Variants in MGAT5 observed in about 807,000 individuals in gnomAD.
MGAT5 encodes alpha-1,6-mannosylglycoprotein 6-beta-N-acetylglucosaminyltransferase A.
In MGAT5, 30 loss-of-function variants were observed where a neutral mutation model predicts 94.3. The observed-to-expected ratio is 0.32, with a 90% CI of 0.24 to 0.43. The LOEUF (loss-of-function observed/expected upper bound fraction) is 0.43. MGAT5 is among the 20% of genes least tolerant of loss of function. MGAT5 has a pLI of 1.00. For missense variants in MGAT5, 691 were observed against 905.5 expected (o/e 0.76, Z 3.04); for synonymous variants, 310 against 322.9 (o/e 0.96, Z 0.43).
intron 1 of MGAT5, among the ~76,000 whole-genome samples, chr2:134,148,492 T>C (rs1351889231): frequency 6.6e-6 from 1 of 152,224 alleles, no homozygotes; most frequent in Non-Finnish European, 1.5e-5. Flanking sequence ...TCTGATTCTT[T>C]AAATAAGAAA....
At chr2:134,193,131 T>TATTTTTTA (rs201290194) in intron 1 of MGAT5, among the ~76,000 whole-genome samples, 1 of 150,492 alleles carries the variant, frequency 6.6e-6, no homozygotes, top group Admixed American at 6.6e-5. Flanking sequence ...TTTTATTTTT[T>TATTTTTTA]TTTTTTTTTG....
intron 13 of MGAT5, among the ~76,000 whole-genome samples, chr2:134,423,450 T>A (rs1388324177): frequency 1.3e-5 from 2 of 152,280 alleles, no homozygotes; most frequent in South Asian, 2.1e-4. Context: ...CCTGGGGTTG[T>A]GGAGGGCGGG....
At chr2:134,276,863 C>T (rs1051846615) in intron 2 of MGAT5, among the ~76,000 whole-genome samples, 22 of 152,084 alleles carry the variant, frequency 1.4e-4, no homozygotes, top group Admixed American at 1.4e-3. Context: ...TTGAGACCCA[C>T]GTTAGGGTGA....
intron 1 of MGAT5, among the ~76,000 whole-genome samples, chr2:134,166,926 T>G (rs1170740835): frequency 6.6e-6 from 1 of 152,208 alleles, no homozygotes. Flanking sequence ...TTGTCTCTTG[T>G]CAATTGAAAA....
At chr2:134,439,290 A>G (rs563345645) in intron 14 of MGAT5, among the ~76,000 whole-genome samples, 9 of 152,336 alleles carry the variant, frequency 5.9e-5, no homozygotes, top group African/African-American at 1.7e-4. Context: ...ATTTTGCCCA[A>G]AGGCTCACAT....
intron 6 of MGAT5, 136 bp downstream of exon 6, chr2:134,338,556 C>G (rs1433018456): frequency 5.2e-6 from 5 of 959,636 alleles, no homozygotes; most frequent in Non-Finnish European, 5.9e-6. Flanking sequence ...GTCTCTTGTA[C>G]AGCTGTTTTT....
chr2:134,426,246 C>T (rs1225775007), intron 13 of MGAT5, among the ~76,000 whole-genome samples: 3 of 139,876 alleles, frequency 2.1e-5, no homozygotes, highest in Admixed American at 7.3e-5. Context: ...TCCGTCCCTC[C>T]ATCTCTCCCT....
intron 1 of MGAT5, among the ~76,000 whole-genome samples, chr2:134,157,820 G>A (rs1687545624): frequency 6.6e-6 from 1 of 152,020 alleles, no homozygotes; most frequent in Admixed American, 6.6e-5. Context: ...CCTAGATCCT[G>A]CCAGGTACGT....
chr2:134,231,008 A>G (rs1681335753), intron 1 of MGAT5, among the ~76,000 whole-genome samples: 1 of 152,244 alleles, frequency 6.6e-6, no homozygotes, highest in African/African-American at 2.4e-5. Flanking sequence ...TTGTGAAAGA[A>G]AGCTGTCAAA....
intron 1 of MGAT5, among the ~76,000 whole-genome samples, chr2:134,241,766 G>C (rs535493840): frequency 6.6e-6 from 1 of 152,118 alleles, no homozygotes; most frequent in Non-Finnish European, 1.5e-5. Context: ...GTGTGAGTGT[G>C]TATGAGTGAG....
chr2:134,163,782 A>G (rs987141422), intron 1 of MGAT5, among the ~76,000 whole-genome samples: 3 of 152,218 alleles, frequency 2.0e-5, no homozygotes, highest in African/African-American at 7.2e-5. Context: ...CCCAGGTCTG[A>G]CCTGTATAGC....
rs1432249713 is a variant in MGAT5, at chr2:134,121,766, G to T, written c.-143+1475G>T. ...TAGAGGTATCTCATTCTAAGGAGAT[G>T]CGAGTGGGAAGCTGGGTCGTTGAAC... On this transcript the variant is annotated intron_variant, in intron 1 of 16. Transcript: ENST00000409645. 2.6e-5 allele frequency among the ~76,000 whole-genome samples: 4 copies of T among 152,208 alleles called. No individual in the cohort carries two copies. In the East Asian group the frequency reaches 7.7e-4, roughly 29 times the overall value.
intron 12 of MGAT5, among the ~76,000 whole-genome samples, chr2:134,417,359 T>C (rs1002695636): frequency 6.6e-6 from 1 of 151,236 alleles, no homozygotes; most frequent in East Asian, 2.0e-4. Flanking sequence ...ACTTCACCAG[T>C]TTTTCCACCG....
intron 14 of MGAT5, among the ~76,000 whole-genome samples, chr2:134,433,641 A>C (rs1391674577): frequency 6.6e-6 from 1 of 152,222 alleles, no homozygotes; most frequent in Non-Finnish European, 1.5e-5. Context: ...GCACACGCCG[A>C]GAATGGTCGG....
rs777388184 is a variant in MGAT5, at chr2:134,304,883, G to A, written c.407-12646G>A. Among the ~76,000 whole-genome samples, 104 of 152,122 alleles carry A rather than the reference G, an allele frequency of 6.8e-4. 2 individuals are homozygous for A. Among genetic ancestry groups the A allele is most frequent in the Admixed American group, 2.6e-4 (4 of 15,262 alleles). On this transcript the variant is annotated intron_variant, in intron 2 of 15. Transcript: ENST00000281923. ...GCACTACTGCACCTGGCACAATCTGGTTTTTAAGAGGCATCCTAGCCAAGG... is the reference window on the plus strand; with the variant it reads ...GCACTACTGCACCTGGCACAATCTGATTTTTAAGAGGCATCCTAGCCAAGG...
intron 1 of MGAT5, among the ~76,000 whole-genome samples, chr2:134,145,120 T>C (rs1297241532): frequency 6.6e-6 from 1 of 152,178 alleles, no homozygotes; most frequent in Non-Finnish European, 1.5e-5. Context: ...GCTCTTTTTT[T>C]CCCCTCCTCT....
chr2:134,187,272 C>T lies in MGAT5; in HGVS notation c.-143+66981C>T, dbSNP rs367585620. ...GGATTTGTTTTTACAAGGATCATTC[C>T]GCTTGCATGGAGAATTGTCTGTAAG... On this transcript the variant is annotated intron_variant, in intron 1 of 16. Coordinates refer to the MGAT5 transcript ENST00000409645. 6.8e-4 allele frequency among the ~76,000 whole-genome samples: 104 copies of T among 152,194 alleles called. 3 individuals carry two copies. In the South Asian group the frequency reaches 0.021, roughly 31 times the overall value.
intron 10 of MGAT5, among the ~76,000 whole-genome samples, chr2:134,374,026 G>A (rs755921807): frequency 1.1e-4 from 16 of 152,260 alleles, no homozygotes; most frequent in Non-Finnish European, 2.4e-4. Flanking sequence ...AGCCAATGGA[G>A]CAAAATCACA....
At chr2:134,338,066 C>G (rs12621027) in intron 5 of MGAT5, among the ~76,000 whole-genome samples, 193 bp from the exon 6 acceptor site, 94,874 of 152,016 alleles carry the variant, frequency 0.62, 30,955 homozygotes, top group Admixed American at 0.72. Context: ...TTGGGCAGAT[C>G]AGCAGTCAGC....
Sources: allele counts gnomAD v4.1 joint callset (sites outside exome capture counted in the v4.1 genomes callset), GRCh38; gene constraint gnomAD v4.1.1; transcripts MANE v1.5; gene names NCBI Gene and HGNC (gene_info 2026-07-23, HGNC 2026-07-21).